TRAPPC9: variants seen among roughly 807,000 people sequenced by gnomAD.
TRAPPC9 encodes the protein IKK2 binding protein.
In TRAPPC9, 83 loss-of-function variants were observed where a neutral mutation model predicts 124.0. The observed-to-expected ratio is 0.67, with a 90% CI of 0.56 to 0.80. TRAPPC9 has a LOEUF of 0.80. Ranked by LOEUF, TRAPPC9 falls within the 30% of genes least tolerant of loss-of-function variation. The pLI, the probability that TRAPPC9 is intolerant of heterozygous loss-of-function variation, is 0.00. For missense variants in TRAPPC9, 1,302 were observed against 1,508.3 expected (o/e 0.86, Z 2.27); for synonymous variants, 638 against 617.5 (o/e 1.03, Z -0.49).
At chr8:140,145,953 A>C (rs1274773903) in intron 17 of TRAPPC9, among the ~76,000 whole-genome samples, 1 of 152,192 alleles carries the variant, frequency 6.6e-6, no homozygotes, top group Non-Finnish European at 1.5e-5. Context: ...TTAGAATTCA[A>C]GGCCAATTCC....
intron 21 of TRAPPC9, among the ~76,000 whole-genome samples, chr8:139,733,426 A>G (rs886599943): frequency 2.6e-5 from 4 of 152,048 alleles, no homozygotes; most frequent in African/African-American, 9.6e-5. Flanking sequence ...TCGCTGTGGC[A>G]GCCCTAGCAG....
intron 19 of TRAPPC9, among the ~76,000 whole-genome samples, chr8:139,982,018 T>A (rs902218845): frequency 2.0e-5 from 3 of 152,246 alleles, no homozygotes; most frequent in African/African-American, 7.2e-5. Context: ...AGATAACATC[T>A]ATTATCATAC....
chr8:139,973,025 G>A (rs1308479470), intron 19 of TRAPPC9, among the ~76,000 whole-genome samples: 1 of 152,194 alleles, frequency 6.6e-6, no homozygotes, highest in Admixed American at 6.5e-5. Flanking sequence ...CATGGACTAG[G>A]GGGAGGAGGA....
chr8:139,979,350 G>A (rs1016469432), intron 19 of TRAPPC9, among the ~76,000 whole-genome samples: 5 of 152,272 alleles, frequency 3.3e-5, no homozygotes, highest in Non-Finnish European at 5.9e-5. Context: ...CCACTCACCC[G>A]CCCACTCGCA....
intron 17 of TRAPPC9, among the ~76,000 whole-genome samples, chr8:140,065,834 A>C (rs530192577): frequency 6.6e-6 from 1 of 152,384 alleles, no homozygotes; most frequent in East Asian, 1.9e-4. Flanking sequence ...CTGCTATCAC[A>C]GTATCCAATC....
chr8:139,802,418 T>A (rs564292381), intron 21 of TRAPPC9, among the ~76,000 whole-genome samples: 48 of 152,032 alleles, frequency 3.2e-4, no homozygotes, highest in South Asian at 1.5e-3. Context: ...ATGGGAGGGG[T>A]CCCTGGGGCA....
intron 21 of TRAPPC9, among the ~76,000 whole-genome samples, chr8:139,864,855 C>A (rs1025108609): frequency 6.6e-6 from 1 of 152,202 alleles, no homozygotes; most frequent in South Asian, 2.1e-4. Context: ...TCACCTGCAC[C>A]GATGTGGACA....
chr8:140,443,163 C>T (rs180738979), intron 2 of TRAPPC9, among the ~76,000 whole-genome samples: 7,447 of 108,004 alleles, frequency 0.069, 551 homozygotes, highest in East Asian at 0.45. Context: ...AAGCCAGGCG[C>T]GGTGGCTCAC....
intron 6 of TRAPPC9, among the ~76,000 whole-genome samples, chr8:140,404,658 A>G (rs2069407016): frequency 1.3e-5 from 2 of 152,220 alleles, no homozygotes; most frequent in Admixed American, 1.3e-4. Flanking sequence ...TTCATAAATA[A>G]GATGTGCGCG....
chr8:139,748,241 A>G (rs1819066901), intron 21 of TRAPPC9, among the ~76,000 whole-genome samples: 1 of 58,692 alleles, frequency 1.7e-5, no homozygotes. Context: ...TATACACAGC[A>G]GGTGTCAGAG....
intron 9 of TRAPPC9, among the ~76,000 whole-genome samples, chr8:140,334,571 AC>A (rs1212169026): frequency 6.6e-6 from 1 of 151,640 alleles, no homozygotes; most frequent in Non-Finnish European, 1.5e-5. Context: ...AATCGCTTGA[AC>A]CCGGGAGGTG....
intron 9 of TRAPPC9, among the ~76,000 whole-genome samples, chr8:140,329,792 C>T (rs1279148154): frequency 6.6e-6 from 1 of 152,062 alleles, no homozygotes; most frequent in African/African-American, 2.4e-5. Context: ...TATTCAAACT[C>T]AATACCGGCC....
At chr8:140,026,253 G>T (rs1840142951) in intron 17 of TRAPPC9, among the ~76,000 whole-genome samples, 1 of 152,170 alleles carries the variant, frequency 6.6e-6, no homozygotes, top group African/African-American at 2.4e-5. Flanking sequence ...TCTGTCAGCG[G>T]GCACTTGGGT....
intron 17 of TRAPPC9, among the ~76,000 whole-genome samples, chr8:140,166,743 C>T (rs1563812120): frequency 6.6e-6 from 1 of 152,202 alleles, no homozygotes; most frequent in Non-Finnish European, 1.5e-5. Context: ...TTCTAGACAC[C>T]TGCACCTAGA....
At chr8:140,012,172 A>G (rs1005277232) in intron 18 of TRAPPC9, among the ~76,000 whole-genome samples, 2 of 152,234 alleles carry the variant, frequency 1.3e-5, no homozygotes, top group South Asian at 2.1e-4. Context: ...GTGGGGGGAA[A>G]AAACGTATTA....
At position 140,216,446 on chromosome 8, in the gene TRAPPC9, A is replaced by G. The variant is rs981894150; in HGVS notation, c.2556+5013T>C. On this transcript the variant is annotated intron_variant, in intron 17 of 22. Coordinates refer to ENST00000438773, the MANE Select transcript of TRAPPC9 (RefSeq NM_001160372.4). The surrounding 1 kb of genome is among the most constrained non-coding windows in gnomAD (Gnocchi z 4.1). ...CTCCTAGATTTTGAAATGTTACCCT[A>G]AACTGTAAGAGCCTATCCTGTGAGA... 2.0e-5 allele frequency among the ~76,000 whole-genome samples: 3 copies of G among 152,204 alleles called. No homozygotes were observed. Among genetic ancestry groups the G allele is most frequent in the Non-Finnish European group, 4.4e-5 (3 of 68,024 alleles).
intron 9 of TRAPPC9, among the ~76,000 whole-genome samples, chr8:140,341,776 G>A (rs966441474): frequency 6.6e-6 from 1 of 152,174 alleles, no homozygotes; most frequent in Non-Finnish European, 1.5e-5. Flanking sequence ...GGGAAGGGGG[G>A]CTAGTGCTCC....
Position 140,020,442 on chromosome 8 carries a change from A to G in TRAPPC9, c.2699+3495T>C, listed in dbSNP as rs140949741. Among the ~76,000 whole-genome samples, 553 of 152,314 alleles carry G rather than the reference A, an allele frequency of 3.6e-3. 3 individuals are homozygous for G. The highest frequency in any genetic ancestry group is 6.7e-3 in the Non-Finnish European group (456 of 68,030). On this transcript the variant is annotated intron_variant, in intron 18 of 22. Transcript: ENST00000438773. ...GGGGTTTGAGACCAGCCTGGGCAAG[A>G]CAGTGAGACCCCATCTCTACCAAAA...
intron 21 of TRAPPC9, among the ~76,000 whole-genome samples, chr8:139,862,730 C>A (rs144570700): frequency 6.6e-6 from 1 of 152,228 alleles, no homozygotes; most frequent in Admixed American, 6.5e-5. Flanking sequence ...AAGTCCTGGG[C>A]AAGTCCTAAG....
Sources: allele counts gnomAD v4.1 joint callset (sites outside exome capture counted in the v4.1 genomes callset), GRCh38; gene constraint gnomAD v4.1.1; non-coding constraint Gnocchi (gnomAD v3.1); transcripts MANE v1.5; gene names NCBI Gene and HGNC (gene_info 2026-07-23, HGNC 2026-07-21).